CNIH3: variants seen among roughly 807,000 people sequenced by gnomAD.
CNIH3 encodes cornichon family AMPA receptor auxiliary protein 3, also known as protein cornichon homolog 3.
In CNIH3, 14 loss-of-function variants were observed where a neutral mutation model predicts 24.1. The ratio of observed to expected loss-of-function variants is 0.58; its 90% CI spans 0.38 to 0.91. CNIH3 has a LOEUF of 0.91. Among genes scored for constraint, CNIH3 ranks in the 40% least tolerant of loss-of-function variants. The pLI is 0.00. For missense variants in CNIH3, 178 were observed against 196.8 expected (o/e 0.90, Z 0.57); for synonymous variants, 68 against 73.8 (o/e 0.92, Z 0.40).
At chr1:224,611,474 T>G (rs1321703159), upstream of CNIH3, 1 of 152,172 alleles carries the variant, frequency 6.6e-6, no homozygotes. Flanking sequence ...CCTGGTAGAG[T>G]GGCTTGATCA....
At chr1:224,457,746 A>C (rs776094322) in intron 1 of CNIH3, among the ~76,000 whole-genome samples, 8 of 152,218 alleles carry the variant, frequency 5.3e-5, no homozygotes, top group Admixed American at 2.0e-4. Context: ...TGGAAGAATT[A>C]AACGTTCACT....
chr1:224,628,997 A>G (rs1377789622), intron 1 of CNIH3, among the ~76,000 whole-genome samples: 1 of 145,292 alleles, frequency 6.9e-6, no homozygotes, highest in African/African-American at 2.6e-5. Context: ...GAAGCAATGT[A>G]TATCTGTTTT....
intron 3 of CNIH3, among the ~76,000 whole-genome samples, chr1:224,721,714 CA>C (rs1688732572): frequency 6.6e-6 from 1 of 152,146 alleles, no homozygotes; most frequent in African/African-American, 2.4e-5. Context: ...TGTCCCCTTA[CA>C]GATCTATAAA....
At chr1:224,640,555 C>T (rs1265200767) in intron 1 of CNIH3, among the ~76,000 whole-genome samples, 5 of 152,200 alleles carry the variant, frequency 3.3e-5, no homozygotes, top group African/African-American at 1.2e-4. Flanking sequence ...TCCTTTTCTG[C>T]GATCTGAATA....
chr1:224,617,173 C>T lies in CNIH3; in HGVS notation c.-2C>T. 6.2e-7 allele frequency: 1 copy of T among 1,613,978 alleles called. No individual in the cohort carries two copies. Among genetic ancestry groups the T allele is most frequent in the Non-Finnish European group, 8.5e-7 (1 of 1,179,918 alleles). On this transcript the variant is annotated 5_prime_UTR_variant, in exon 1 of 6. Coordinates refer to ENST00000272133, the MANE Select transcript of CNIH3 (RefSeq NM_152495.2). Reference sequence around the variant, plus strand: ...GTGTGGTGGGATTGGGGTCCGCCGGCCATGGCCTTCACTTTCGCTGCGTTC... The same window carrying T: ...GTGTGGTGGGATTGGGGTCCGCCGGTCATGGCCTTCACTTTCGCTGCGTTC...
At chr1:224,452,576 T>G (rs1487256836) in intron 1 of CNIH3, among the ~76,000 whole-genome samples, 1 of 145,416 alleles carries the variant, frequency 6.9e-6, no homozygotes, top group Non-Finnish European at 1.5e-5. Flanking sequence ...GGTCAGGAGA[T>G]TGAGACCATC....
chr1:224,573,311 G>A (rs1485097477), intron 4 of CNIH3, among the ~76,000 whole-genome samples: 1 of 152,010 alleles, frequency 6.6e-6, no homozygotes, highest in Non-Finnish European at 1.5e-5. Flanking sequence ...TACTTCCTCA[G>A]GAAGAGAGTA....
At chr1:224,474,918 G>C (rs376860262) in intron 1 of CNIH3, among the ~76,000 whole-genome samples, 2 of 151,418 alleles carry the variant, frequency 1.3e-5, no homozygotes, top group African/African-American at 4.9e-5. Context: ...GTGGGCGGGC[G>C]CCTGTAGTCC....
At chr1:224,652,234 C>G (rs1684891608) in intron 1 of CNIH3, among the ~76,000 whole-genome samples, 1 of 151,928 alleles carries the variant, frequency 6.6e-6, no homozygotes, top group African/African-American at 2.4e-5. Context: ...AGAGGCATGA[C>G]CAGATGGGAG....
intron 1 of CNIH3, among the ~76,000 whole-genome samples, chr1:224,642,053 T>G (rs1254930563): frequency 2.0e-5 from 3 of 152,202 alleles, no homozygotes; most frequent in Non-Finnish European, 2.9e-5. Context: ...CTGGTTATGC[T>G]CCGTTTGGAC....
At chr1:224,558,162 C>T (rs572237224) in intron 3 of CNIH3, among the ~76,000 whole-genome samples, 42 of 152,196 alleles carry the variant, frequency 2.8e-4, no homozygotes, top group Admixed American at 5.2e-4. Context: ...TTGGGGTCAA[C>T]GATATAAGAT....
At chr1:224,601,793 A>C (rs1426930288) in intron 3 of CNIH3, among the ~76,000 whole-genome samples, 1 of 152,262 alleles carries the variant, frequency 6.6e-6, no homozygotes, top group Non-Finnish European at 1.5e-5. Flanking sequence ...AGTAGTGAAT[A>C]GAATGCTTAT....
intron 1 of CNIH3, among the ~76,000 whole-genome samples, chr1:224,479,692 T>C (rs2103009596): frequency 6.6e-6 from 1 of 152,302 alleles, no homozygotes; most frequent in African/African-American, 2.4e-5. Flanking sequence ...GGCAGTCAAA[T>C]CTTAAATCTC....
chr1:224,695,664 A>G (rs769485611), intron 3 of CNIH3, among the ~76,000 whole-genome samples: 4 of 152,102 alleles, frequency 2.6e-5, no homozygotes, highest in Non-Finnish European at 5.9e-5. Flanking sequence ...GGAGTCCGTT[A>G]TTTTCCATAA....
intron 1 of CNIH3, among the ~76,000 whole-genome samples, chr1:224,619,317 C>T (rs1683173870): frequency 6.6e-6 from 1 of 152,216 alleles, no homozygotes; most frequent in Non-Finnish European, 1.5e-5. Context: ...CTCTATCCTC[C>T]AGCTTCTCAA....
At chr1:224,589,018 A>G (rs1247141725), downstream of CNIH3, among the ~76,000 whole-genome samples, 4 of 142,422 alleles carry the variant, frequency 2.8e-5, no homozygotes, top group East Asian at 4.4e-4. Context: ...ACATCTATCA[A>G]CTTCCCAGAT....
chr1:224,617,576 G>T (rs138839606), intron 1 of CNIH3, among the ~76,000 whole-genome samples: 329 of 152,358 alleles, frequency 2.2e-3, no homozygotes, highest in African/African-American at 7.7e-3. Context: ...CTCTCCTGCC[G>T]GCGGGAGGCG....
At chr1:224,667,502 G>A (rs1685650970) in intron 1 of CNIH3, among the ~76,000 whole-genome samples, 1 of 152,212 alleles carries the variant, frequency 6.6e-6, no homozygotes, top group East Asian at 1.9e-4. Flanking sequence ...AAAATGGTCA[G>A]AGCATCTAAG....
At chr1:224,489,173 A>C (rs1176299953) in intron 1 of CNIH3, among the ~76,000 whole-genome samples, 2 of 152,066 alleles carry the variant, frequency 1.3e-5, no homozygotes, top group East Asian at 3.9e-4. Context: ...AACTTGGCTG[A>C]ATTCAAATGC....
Sources: allele counts gnomAD v4.1 joint callset (sites outside exome capture counted in the v4.1 genomes callset), GRCh38; gene constraint gnomAD v4.1.1; transcripts MANE v1.5; gene names NCBI Gene and HGNC (gene_info 2026-07-23, HGNC 2026-07-21).